Variants in PCDHGA1 observed in about 807,000 individuals in gnomAD.
PCDHGA1 encodes the protein protocadherin gamma subfamily A, 1.
In PCDHGA1, 32 loss-of-function variants were observed where a neutral mutation model predicts 58.0. The observed-to-expected ratio is 0.55, with a 90% CI of 0.42 to 0.74. The LOEUF is 0.74. Among genes scored for constraint, PCDHGA1 ranks in the 30% least tolerant of loss-of-function variants. The pLI is 0.00. For synonymous variants in PCDHGA1, 498 were observed against 501.1 expected (o/e 0.99, Z 0.08); for missense variants, 1,205 against 1,182.3 (o/e 1.02, Z -0.28).
intron 1 of PCDHGA1, chr5:141,383,374 G>A (rs911594122): frequency 6.2e-7 from 1 of 1,614,028 alleles, no homozygotes; most frequent in Non-Finnish European, 8.5e-7. Flanking sequence ...CGAGGCTGGG[G>A]ATCCAGATGT....
rs1379095967 is a variant in PCDHGA1 at position 141,422,752 on chromosome 5, A to C, written c.2422-72055A>C. The C allele has an allele frequency of 6.2e-7, 1 of 1,612,064 alleles. No homozygotes were observed. The highest frequency in any genetic ancestry group is 1.3e-5 in the African/African-American group (1 of 74,892). On this transcript the variant is annotated intron_variant, in intron 1 of 3. Transcript: ENST00000517417. The stretch of plus-strand genomic sequence containing the variant: ...GCCTCTGTCCTCCTATGTCTCTATT[A>C]ACTCCAACACTGGTGTTCTCTATGC...
Position 141,407,988 on chromosome 5 carries a change from C to T in PCDHGA1, c.2421+74883C>T, listed in dbSNP as rs923527525. 1.3e-4 allele frequency: 104 copies of T among 827,076 alleles called. 1 individual carries two copies. The highest frequency in any genetic ancestry group is 3.7e-4 in the Middle Eastern group (1 of 2,684). 51.2% of individuals were successfully genotyped at this position (827,076 alleles called of 1,614,324 possible). ...GCGCTGACGCCGGGGATCCGTCAGC[C>T]TCTGGCCTGGGATTCCCTGCGCAGC... On this transcript the variant is annotated intron_variant, in intron 1 of 3. Transcript: ENST00000517417.
chr5:141,494,740 T>C, intron 1 of PCDHGA1, 67 bp from the exon 2 acceptor site: 1 of 1,612,194 alleles, frequency 6.2e-7, no homozygotes, highest in Non-Finnish European at 8.5e-7. Context: ...GGCCCATCCC[T>C]AGGGGCTCGG....
chr5:141,432,495 C>G lies in PCDHGA1; in HGVS notation c.2422-62312C>G. 1.2e-6 allele frequency: 2 copies of G among 1,614,182 alleles called. No individual in the cohort carries two copies. The highest frequency in any genetic ancestry group is 1.7e-6 in the Non-Finnish European group (2 of 1,180,048). On this transcript the variant is annotated intron_variant, in intron 1 of 3. Coordinates refer to ENST00000517417, the MANE Select transcript of PCDHGA1 (RefSeq NM_018912.3). The surrounding 1 kb of genome is among the most constrained non-coding windows in gnomAD (Gnocchi z 6.0). ...GGTTCCACTGGCGTGGAGCTGGCTC[C>G]CCGCTCCGCAGAGCCCGGCTACCTG...
rs1561745511 is a variant in PCDHGA1 at position 141,413,844 on chromosome 5, C to T, written c.2421+80739C>T. The stretch of plus-strand genomic sequence containing the variant: ...TCCTCACCGCCTCCGACGGGGGTGA[C>T]CCTCTCCGATCTGGCACTGTCCTTG... On this transcript the variant is annotated intron_variant, in intron 1 of 3. Transcript: ENST00000517417. The T allele has an allele frequency of 5.6e-6, 9 of 1,613,254 alleles. No homozygotes were observed. The East Asian group carries it at 6.7e-5, about 12-fold the overall frequency.
At chr5:141,343,995 T>A (rs375713562) in intron 1 of PCDHGA1, 5 of 1,486,554 alleles carry the variant, frequency 3.4e-6, no homozygotes, top group Non-Finnish European at 4.5e-6. Context: ...CGTAGGAAAC[T>A]GGAACCGAAT....
At chr5:141,360,987 G>T in intron 1 of PCDHGA1, 1 of 1,613,592 alleles carries the variant, frequency 6.2e-7, no homozygotes, top group South Asian at 1.1e-5. Flanking sequence ...TTCATAATGT[G>T]GACGAACAAG....
intron 1 of PCDHGA1, chr5:141,362,321 C>G (rs1762436189): frequency 1.2e-6 from 2 of 1,614,078 alleles, no homozygotes; most frequent in Non-Finnish European, 1.7e-6. Context: ...TGTTTTCAGC[C>G]TGGTCTCAGC....
intron 1 of PCDHGA1, among the ~76,000 whole-genome samples, chr5:141,465,785 T>G (rs564238782): frequency 6.6e-6 from 1 of 152,262 alleles, no homozygotes; most frequent in South Asian, 2.1e-4. Flanking sequence ...TACAGTTTTT[T>G]TTTTTTTAAG....
chr5:141,395,544 G>T (rs1352260391), intron 1 of PCDHGA1: 4 of 11,560 alleles, frequency 3.5e-4, no homozygotes, highest in African/African-American at 5.6e-4. Flanking sequence ...GCTATTGTTT[G>T]TGTGTGTGTG....
At position 141,489,437 on chromosome 5, in the gene PCDHGA1, T is replaced by C; in HGVS notation, c.2422-5370T>C. The C allele has an allele frequency of 6.2e-7, 1 of 1,614,110 alleles. No individual in the cohort carries two copies. Among genetic ancestry groups the C allele is most frequent in the Non-Finnish European group, 8.5e-7 (1 of 1,180,020 alleles). ...GATCTGTTGAGCCGGCGGCTGCAATTGGGCTCTGAGGAGAATGGGCGCTAT... is the reference window on the plus strand; with the variant it reads ...GATCTGTTGAGCCGGCGGCTGCAATCGGGCTCTGAGGAGAATGGGCGCTAT... On this transcript the variant is annotated intron_variant, in intron 1 of 3. Transcript: ENST00000517417. This position sits in a 1 kb window ranked among gnomAD's most constrained non-coding sequence, Gnocchi z 4.5.
At position 141,487,075 on chromosome 5, in the gene PCDHGA1, C is replaced by T. The variant is rs755563146; in HGVS notation, c.2422-7732C>T. The T allele has an allele frequency of 1.9e-6, 3 of 1,614,116 alleles. No individual in the cohort carries two copies. The highest frequency in any genetic ancestry group is 2.5e-6 in the Non-Finnish European group (3 of 1,179,982). ...GGGAGGTGCGGACGGCTGTTCCTATCCCAGCTGACCTCCCACCACAGAAGC... is the reference window on the plus strand; with the variant it reads ...GGGAGGTGCGGACGGCTGTTCCTATTCCAGCTGACCTCCCACCACAGAAGC... On this transcript the variant is annotated intron_variant, in intron 1 of 3. Transcript: ENST00000517417. This position sits in a 1 kb window ranked among gnomAD's most constrained non-coding sequence, Gnocchi z 5.0.
At chr5:141,395,889 G>A (rs1375818306) in intron 1 of PCDHGA1, 3 of 151,948 alleles carry the variant, frequency 2.0e-5, no homozygotes, top group African/African-American at 4.8e-5. Flanking sequence ...GTGGTCACCT[G>A]GGCTCCATGC....
intron 1 of PCDHGA1, chr5:141,404,285 A>T (rs1195722797): frequency 1.9e-6 from 3 of 1,614,026 alleles, no homozygotes; most frequent in East Asian, 4.5e-5. Flanking sequence ...AGTGACTGAC[A>T]TCAATGATAA....
chr5:141,487,623 C>T lies in PCDHGA1; in HGVS notation c.2422-7184C>T, dbSNP rs2099654624. On this transcript the variant is annotated intron_variant, in intron 1 of 3. Coordinates refer to ENST00000517417, the MANE Select transcript of PCDHGA1 (RefSeq NM_018912.3). This position sits in a 1 kb window ranked among gnomAD's most constrained non-coding sequence, Gnocchi z 5.0. The stretch of plus-strand genomic sequence containing the variant: ...CTTCTCTATGGGCTAGAGGTGAGAC[C>T]TTTGCAGGCTCAACAAATGCTTGAG... 6.2e-7 allele frequency: 1 copy of T among 1,614,088 alleles called. No individual in the cohort carries two copies. The highest frequency in any genetic ancestry group is 1.3e-5 in the African/African-American group (1 of 74,930).
At chr5:141,470,585 G>A (rs2099233788) in intron 1 of PCDHGA1, among the ~76,000 whole-genome samples, 1 of 152,188 alleles carries the variant, frequency 6.6e-6, no homozygotes, top group African/African-American at 2.4e-5. Flanking sequence ...AACTTCATAG[G>A]CAGGCGACCT....
In PCDHGA1 at chr5:141,489,744, C is replaced by T. The variant is rs185263705; in HGVS notation, c.2422-5063C>T. The T allele has an allele frequency of 1.1e-5, 18 of 1,614,144 alleles. No homozygotes were observed. In the Admixed American group the frequency reaches 2.8e-4, roughly 25 times the overall value. Reference sequence around the variant, plus strand: ...CGGATGTGGGCACCAATACTGTGAGCTTTTACACTCTAAGCCCCAACAGCC... The same window carrying T: ...CGGATGTGGGCACCAATACTGTGAGTTTTTACACTCTAAGCCCCAACAGCC... On this transcript the variant is annotated intron_variant, in intron 1 of 3. Transcript: ENST00000517417. This position sits in a 1 kb window ranked among gnomAD's most constrained non-coding sequence, Gnocchi z 4.5.
In PCDHGA1 at chr5:141,364,378, CT is replaced by C. The variant is rs1763292198; in HGVS notation, c.2421+31275del. The stretch of plus-strand genomic sequence containing the variant: ...GGGGCTGCGGAGAGCTGCTGCTGCC[CT>C]TCATGCTCCTGGGGACGCTGTGCGA... On this transcript the variant is annotated intron_variant, in intron 1 of 3. Transcript: ENST00000517417. 5 of 1,579,064 alleles carry C rather than the reference CT, an allele frequency of 3.2e-6. No individual in the cohort carries two copies. The East Asian group carries it at 1.1e-4, about 35-fold the overall frequency.
chr5:141,390,399 G>A (rs545358089), intron 1 of PCDHGA1: 2 of 1,359,380 alleles, frequency 1.5e-6, no homozygotes, highest in Non-Finnish European at 2.0e-6. Context: ...GATCATTTTA[G>A]GAAAGTTGTA....
Sources: allele counts gnomAD v4.1 joint callset (sites outside exome capture counted in the v4.1 genomes callset), GRCh38; gene constraint gnomAD v4.1.1; non-coding constraint Gnocchi (gnomAD v3.1); transcripts MANE v1.5; gene names NCBI Gene and HGNC (gene_info 2026-07-23, HGNC 2026-07-21).